Variants in SEM1 observed in about 807,000 individuals in gnomAD.
SEM1 encodes the protein SEM1 26S proteasome subunit.
In SEM1, 3 loss-of-function variants were observed where a neutral mutation model predicts 12.7. That is an observed-to-expected ratio of 0.24 (90% CI 0.11 to 0.61). SEM1 has a LOEUF of 0.61. Among genes scored for constraint, SEM1 ranks in the 20% least tolerant of loss-of-function variants. The probability of loss-of-function intolerance (pLI) is 0.88; values close to 1 mark genes in which losing one functional copy is unlikely to be tolerated. For missense variants in SEM1, 59 were observed against 81.3 expected, an observed-to-expected ratio of 0.73 and a Z score of 1.06; for synonymous variants, 30 against 27.8, an observed-to-expected ratio of 1.08 and a Z score of -0.25.
chr7:96,519,454 A>G (rs1804200676), intron 2 of SEM1, among the ~76,000 whole-genome samples: 1 of 152,126 alleles, frequency 6.6e-6, no homozygotes. Context: ...ATACTACGGA[A>G]AAAGAAAGGG....
intron 2 of SEM1, among the ~76,000 whole-genome samples, chr7:96,578,017 G>A (rs1298288511): frequency 1.3e-5 from 2 of 152,072 alleles, no homozygotes; most frequent in Middle Eastern, 6.8e-3. Flanking sequence ...AAAATGACCA[G>A]GCTAAATAAA....
At chr7:96,624,216 C>T (rs190626120) in intron 2 of SEM1, among the ~76,000 whole-genome samples, 84 of 152,040 alleles carry the variant, frequency 5.5e-4, no homozygotes, top group African/African-American at 1.4e-3. Context: ...TTTACTTTTA[C>T]GTGACTCAAT....
chr7:96,533,245 G>A (rs114868978), intron 2 of SEM1, among the ~76,000 whole-genome samples: 114 of 152,088 alleles, frequency 7.5e-4, no homozygotes, highest in African/African-American at 2.5e-3. Flanking sequence ...AGCTTTGTGT[G>A]TATTCAGGAA....
intron 2 of SEM1, among the ~76,000 whole-genome samples, chr7:96,592,999 TAAAAA>T (rs1554421689): frequency 1.0e-3 from 133 of 128,060 alleles, no homozygotes; most frequent in Non-Finnish European, 1.8e-3. Context: ...TCTCCCATAT[TAAAAA>T]AAAAAAAAAA....
chr7:96,555,055 A>AT, intron 2 of SEM1, among the ~76,000 whole-genome samples: 1 of 150,014 alleles, frequency 6.7e-6, no homozygotes, highest in South Asian at 2.1e-4. Context: ...CCCCTTTATC[A>AT]TTTTTTATTG....
At chr7:96,509,605 C>A (rs1803868415) in intron 2 of SEM1, among the ~76,000 whole-genome samples, 1 of 152,080 alleles carries the variant, frequency 6.6e-6, no homozygotes, top group Admixed American at 6.6e-5. Context: ...ATGTTCATAG[C>A]AGCATTATTC....
intron 1 of SEM1, among the ~76,000 whole-genome samples, chr7:96,488,363 T>C (rs1208098515): frequency 6.6e-6 from 1 of 152,150 alleles, no homozygotes; most frequent in Non-Finnish European, 1.5e-5. Context: ...AGTTAATTAT[T>C]TCTATCAAGG....
intron 2 of SEM1, among the ~76,000 whole-genome samples, chr7:96,584,985 A>G (rs1004672175): frequency 2.0e-5 from 3 of 151,600 alleles, no homozygotes; most frequent in African/African-American, 7.3e-5. Flanking sequence ...GTCATTCTCC[A>G]TCCAGCTTTG....
chr7:96,492,840 G>T (rs11768417), intron 1 of SEM1, among the ~76,000 whole-genome samples: 23,295 of 151,430 alleles, frequency 0.15, 1,918 homozygotes, highest in Middle Eastern at 0.27. Flanking sequence ...TGGACATTTT[G>T]GTTGTTTCCA....
chr7:96,499,788 T>C (rs1217657448), upstream of SEM1, among the ~76,000 whole-genome samples: 1 of 152,176 alleles, frequency 6.6e-6, no homozygotes, highest in Admixed American at 6.5e-5. Flanking sequence ...TGCATTGCTG[T>C]TGAGTATATC....
At chr7:96,631,067 CT>C (rs1808243859) in intron 2 of SEM1, among the ~76,000 whole-genome samples, 1 of 151,762 alleles carries the variant, frequency 6.6e-6, no homozygotes, top group Admixed American at 6.6e-5. Context: ...GAAAGGGTCT[CT>C]TTTGGAGCCA....
intron 2 of SEM1, among the ~76,000 whole-genome samples, chr7:96,632,617 G>T (rs1158532717): frequency 6.6e-6 from 1 of 151,934 alleles, no homozygotes; most frequent in East Asian, 1.9e-4. Flanking sequence ...ACAGGTTGAT[G>T]GGTGCAGCAA....
intron 2 of SEM1, among the ~76,000 whole-genome samples, chr7:96,616,210 T>C (rs1300385365): frequency 6.6e-6 from 1 of 152,152 alleles, no homozygotes; most frequent in Non-Finnish European, 1.5e-5. Context: ...CATTTATTGG[T>C]TTTAGACTTT....
intron 2 of SEM1, among the ~76,000 whole-genome samples, chr7:96,546,126 A>C (rs923153115): frequency 4.6e-5 from 7 of 152,106 alleles, no homozygotes; most frequent in African/African-American, 1.7e-4. Flanking sequence ...CCTGCCAATC[A>C]TGTTGAATCT....
chr7:96,495,327 G>C (rs1269670925), intron 1 of SEM1, among the ~76,000 whole-genome samples: 1 of 152,048 alleles, frequency 6.6e-6, no homozygotes, highest in Non-Finnish European at 1.5e-5. Flanking sequence ...TCTACTTTCT[G>C]TTCTCTTCTC....
intron 2 of SEM1, among the ~76,000 whole-genome samples, chr7:96,635,149 A>G (rs1436427395): frequency 6.6e-6 from 1 of 152,158 alleles, no homozygotes; most frequent in African/African-American, 2.4e-5. Context: ...GAATTGGGAC[A>G]CTGAAGAAAA....
chr7:96,521,403 C>T (rs1019857723), intron 2 of SEM1, among the ~76,000 whole-genome samples: 2 of 152,100 alleles, frequency 1.3e-5, no homozygotes, highest in African/African-American at 4.8e-5. Context: ...CCACAAATAC[C>T]CATTCTGGGT....
chr7:96,700,396 A>C (rs958209235), intron 1 of SEM1, among the ~76,000 whole-genome samples: 6 of 152,184 alleles, frequency 3.9e-5, no homozygotes, highest in African/African-American at 1.4e-4. Flanking sequence ...CCCTCGGTAT[A>C]CTCGGGGTAC....
chr7:96,662,061 T>C (rs1789021248), intron 2 of SEM1, among the ~76,000 whole-genome samples: 1 of 151,976 alleles, frequency 6.6e-6, no homozygotes, highest in African/African-American at 2.4e-5. Context: ...ACAATGCTTT[T>C]ACGCTGTTGC....
Sources: gnomAD v4.1 joint callset for allele counts (sites outside exome capture counted in the v4.1 genomes callset) on GRCh38, gnomAD v4.1.1 for gene constraint, MANE v1.5 for transcripts, NCBI Gene and HGNC (gene_info 2026-07-23, HGNC 2026-07-21) for gene names.